Variants in ZBTB16 observed in about 807,000 individuals in gnomAD.
ZBTB16 encodes zinc finger and BTB domain-containing protein 16.
Under a neutral mutation model 56.8 loss-of-function variants are expected in ZBTB16, and 8 were observed. The observed-to-expected ratio is 0.14, with a 90% CI of 0.08 to 0.25. The LOEUF (loss-of-function observed/expected upper bound fraction) is 0.25. Ranked by LOEUF, ZBTB16 falls within the 10% of genes least tolerant of loss-of-function variation. The pLI, the probability that ZBTB16 is intolerant of heterozygous loss-of-function variation, is 1.00. For missense variants in ZBTB16, 625 were observed against 903.0 expected, an observed-to-expected ratio of 0.69 and a Z score of 3.95; for synonymous variants, 363 against 368.5, an observed-to-expected ratio of 0.98 and a Z score of 0.17.
intron 3 of ZBTB16, among the ~76,000 whole-genome samples, chr11:114,179,280 T>TAGAGAG (rs113097570): frequency 0.28 from 41,730 of 149,644 alleles, 5,815 homozygotes; most frequent in East Asian, 0.39. Flanking sequence ...GAGAGAGAGC[T>TAGAGAG]AGAGAGAGAG....
intron 3 of ZBTB16, among the ~76,000 whole-genome samples, chr11:114,161,272 T>C (rs1008631630): frequency 2.6e-5 from 4 of 152,152 alleles, no homozygotes; most frequent in Non-Finnish European, 4.4e-5. Flanking sequence ...GTCCCTATTT[T>C]TGACTCGGCT....
At chr11:114,246,626 G>A (rs1034372316) in intron 5 of ZBTB16, among the ~76,000 whole-genome samples, 6 of 152,186 alleles carry the variant, frequency 3.9e-5, no homozygotes, top group South Asian at 2.1e-4. Context: ...AAAGGGAAGC[G>A]TCCACGCGGG....
chr11:114,164,860 T>G (rs1942698883), intron 3 of ZBTB16, among the ~76,000 whole-genome samples: 1 of 152,032 alleles, frequency 6.6e-6, no homozygotes, highest in Admixed American at 6.6e-5. Flanking sequence ...AGCTCTTCTC[T>G]TCTCCTTCTA....
chr11:114,235,213 G>C (rs542698537), intron 4 of ZBTB16, among the ~76,000 whole-genome samples: 3 of 152,146 alleles, frequency 2.0e-5, no homozygotes, highest in African/African-American at 7.2e-5. Flanking sequence ...AAGCCCCTCC[G>C]GGGTACATGT....
intron 3 of ZBTB16, among the ~76,000 whole-genome samples, chr11:114,162,112 T>TCAG (rs1942605446): frequency 6.6e-6 from 1 of 152,220 alleles, no homozygotes; most frequent in South Asian, 2.1e-4. Context: ...TTTTCTGATT[T>TCAG]CAGCAGCAGC....
rs1938837001 is a variant in ZBTB16, at chr11:114,061,119, T to C, written c.-91+1237T>C. Among the ~76,000 whole-genome samples, 3 of 151,134 alleles carry C rather than the reference T, an allele frequency of 2.0e-5. No homozygotes were observed. In the South Asian group the frequency reaches 6.3e-4, roughly 32 times the overall value. Reference sequence around the variant, plus strand: ...CTTCCCCAAGTTTGCTGAAGTCGTCTCCAAGTCTCGGTGGGGGTCGCTGGG... The same window carrying C: ...CTTCCCCAAGTTTGCTGAAGTCGTCCCCAAGTCTCGGTGGGGGTCGCTGGG... On this transcript the variant is annotated intron_variant, in intron 1 of 6. Transcript: ENST00000335953.
intron 2 of ZBTB16, among the ~76,000 whole-genome samples, chr11:114,128,516 C>T (rs1044026410): frequency 2.0e-5 from 3 of 152,084 alleles, no homozygotes; most frequent in Admixed American, 6.5e-5. Context: ...TTTTCACCTG[C>T]GAAATGGCGG....
chr11:114,081,869 G>A (rs986414508), intron 2 of ZBTB16, among the ~76,000 whole-genome samples: 8 of 152,104 alleles, frequency 5.3e-5, no homozygotes, highest in African/African-American at 1.7e-4. Context: ...CTATAAATGC[G>A]TGGAGAGAGA....
At chr11:114,169,278 T>C (rs1333496936) in intron 3 of ZBTB16, among the ~76,000 whole-genome samples, 1 of 152,180 alleles carries the variant, frequency 6.6e-6, no homozygotes, top group African/African-American at 2.4e-5. Context: ...TTCAAGCGTC[T>C]TGGAGTATGA....
chr11:114,187,023 A>G lies in ZBTB16; in HGVS notation c.1438A>G (p.Arg480Gly). The change falls in exon 4 of 7, where the codon AGG becomes GGG. Residue 480 changes from arginine (R) to glycine (G), a missense_variant. Around this residue, in one of 6 missense-constraint regions of ZBTB16, gnomAD observed 140 missense variants for 214.8 expected, o/e 0.65. Transcript: ENST00000335953. ...FSKEDALETH[R>G]QTHTGTDMAV... ...GAAGGAGGATGCCCTGGAGACACAC[A>G]GGCAGACCCATACTGGTGAGTTGAC... 1 of 1,614,104 alleles carries G rather than the reference A, an allele frequency of 6.2e-7. No individual in the cohort carries two copies. Among genetic ancestry groups the G allele is most frequent in the Non-Finnish European group, 8.5e-7 (1 of 1,180,018 alleles).
At chr11:114,128,108 T>C (rs1941560897) in intron 2 of ZBTB16, among the ~76,000 whole-genome samples, 1 of 152,138 alleles carries the variant, frequency 6.6e-6, no homozygotes. Context: ...CTTTGGAAAA[T>C]CTCTGTCTCT....
intron 2 of ZBTB16, among the ~76,000 whole-genome samples, chr11:114,100,535 C>T (rs1261990979): frequency 1.3e-5 from 2 of 152,128 alleles, no homozygotes; most frequent in Admixed American, 1.3e-4. Context: ...TTTTGTAGCC[C>T]TGGCCTGGCT....
chr11:114,156,885 G>A (rs746587218), intron 3 of ZBTB16, among the ~76,000 whole-genome samples: 57 of 152,178 alleles, frequency 3.7e-4, no homozygotes, highest in Middle Eastern at 3.2e-3. Context: ...TATTGAGGTC[G>A]ACTGTGTGGC....
At chr11:114,096,386 C>G (rs1940408466) in intron 2 of ZBTB16, among the ~76,000 whole-genome samples, 1 of 152,190 alleles carries the variant, frequency 6.6e-6, no homozygotes, top group Admixed American at 6.5e-5. Flanking sequence ...CAAATTTTAT[C>G]TTAGCATGTT....
intron 5 of ZBTB16, among the ~76,000 whole-genome samples, chr11:114,244,886 T>C (rs1944783853): frequency 6.6e-6 from 1 of 151,942 alleles, no homozygotes; most frequent in Non-Finnish European, 1.5e-5. Flanking sequence ...CCCGGCTGGG[T>C]GGCTGCCGAT....
At chr11:114,208,995 C>T (rs953896147) in intron 4 of ZBTB16, among the ~76,000 whole-genome samples, 5 of 152,178 alleles carry the variant, frequency 3.3e-5, no homozygotes, top group African/African-American at 7.2e-5. Flanking sequence ...AGAGATTCCC[C>T]AAACTGTGTA....
At chr11:114,091,001 T>C (rs1940163570) in intron 2 of ZBTB16, among the ~76,000 whole-genome samples, 1 of 152,160 alleles carries the variant, frequency 6.6e-6, no homozygotes, top group African/African-American at 2.4e-5. Context: ...GTGTGTGTAG[T>C]GGGATGGTTA....
rs117050379 is a variant in ZBTB16, at chr11:114,143,958, G to T, written c.1269-12379G>T. On this transcript the variant is annotated intron_variant, in intron 2 of 6. Transcript: ENST00000335953. This position sits in a 1 kb window ranked among gnomAD's most constrained non-coding sequence, Gnocchi z 6.4. Reference sequence around the variant, plus strand: ...GGTATTATGCATTTCCTGTGTGCTCGGGAGCCTTGCGTGTAAGGAGCAAGA... The same window carrying T: ...GGTATTATGCATTTCCTGTGTGCTCTGGAGCCTTGCGTGTAAGGAGCAAGA... Among the ~76,000 whole-genome samples the T allele has an allele frequency of 2.1e-3, 325 of 152,250 alleles. No homozygotes were observed. Among genetic ancestry groups the T allele is most frequent in the Non-Finnish European group, 4.3e-3 (295 of 68,020 alleles).
In ZBTB16 at chr11:114,063,965, C is replaced by T; in HGVS notation, c.665C>T (p.Ala222Val). ...SLLQGTLQPP[A>V]GPEEPTLAGG... The stretch of plus-strand genomic sequence containing the variant: ...CTGCAGGGAACTCTTCAGCCACCTG[C>T]AGGGCCCGAGGAGCCAACTCTGGCT... Residue 222 changes from alanine to valine, a missense_variant, in exon 2 of 7, where the codon GCA becomes GTA. Coordinates refer to ENST00000335953, the MANE Select transcript of ZBTB16 (RefSeq NM_006006.6). This position sits in a 1 kb window ranked among gnomAD's most constrained non-coding sequence, Gnocchi z 6.5. The T allele has an allele frequency of 6.2e-7, 1 of 1,613,780 alleles. No homozygotes were observed. Among genetic ancestry groups the T allele is most frequent in the Non-Finnish European group, 8.5e-7 (1 of 1,179,994 alleles).
Sources: gnomAD v4.1 joint callset for allele counts (sites outside exome capture counted in the v4.1 genomes callset) on GRCh38, gnomAD v4.1.1 for gene constraint, gnomAD v4.1.1 regional missense constraint, Gnocchi (gnomAD v3.1) non-coding constraint, MANE v1.5 for transcripts, NCBI Gene and HGNC (gene_info 2026-07-23, HGNC 2026-07-21) for gene names.